The following NR2E3 variants were observed in gnomAD, a reference collection of about 807,000 sequenced individuals.
NR2E3 encodes the protein photoreceptor-specific nuclear receptor.
Under a neutral mutation model 37.6 loss-of-function variants are expected in NR2E3, and 38 were observed. The observed-to-expected ratio is 1.01, with a 90% confidence interval of 0.78 to 1.33. NR2E3 has a LOEUF of 1.33. Among genes scored for constraint, NR2E3 ranks in the 40% most tolerant of loss-of-function variants. The pLI, the probability that NR2E3 is intolerant of heterozygous loss-of-function variation, is 0.00. For synonymous variants in NR2E3, 235 were observed against 225.1 expected (o/e 1.04, Z -0.39); for missense variants, 562 against 558.7 (o/e 1.01, Z -0.06).
chr15:71,811,957 G>A lies in NR2E3; in HGVS notation c.352G>A (p.Val118Met), dbSNP rs776270511. 1.5e-5 allele frequency: 24 copies of A among 1,550,188 alleles called. No homozygotes were observed. The highest frequency in any genetic ancestry group is 1.9e-5 in the Non-Finnish European group (22 of 1,146,888). Reference sequence around the variant, plus strand: ...CCTGACCCTTCCTGCCTCCCCAGCCGTGCAGAACGAGCGCCAGCCGCGAAG... The same window carrying A: ...CCTGACCCTTCCTGCCTCCCCAGCCATGCAGAACGAGCGCCAGCCGCGAAG... ...CLQAGMNQDA[V>M]QNERQPRSTA... is the part of the protein sequence containing the mutation. The change falls in exon 4 of 8, where the codon GTG becomes ATG. Residue 118 changes from valine to methionine, a missense_variant and splice_region_variant. Val to Met is a conservative substitution (Grantham distance 21, BLOSUM62 1). Coordinates refer to ENST00000617575, the MANE Select transcript of NR2E3 (RefSeq NM_014249.4). This position sits in a 1 kb window ranked among gnomAD's most constrained non-coding sequence, Gnocchi z 5.6.
At position 71,812,084 on chromosome 15, in the gene NR2E3, C is replaced by G. The variant is rs1369112349; in HGVS notation, c.479C>G (p.Pro160Arg). Residue 160 changes from proline to arginine, a missense_variant, in exon 4 of 8, where the codon CCC becomes CGC. Transcript: ENST00000617575. ...CCGGCAGGGCGCAGCCCACGGGGCC[C>G]CACACCCATGTCTGCAGCCAGAGCC... ...PAPAGRSPRG[P>R]TPMSAARALG... 15 of 1,554,030 alleles carry G rather than the reference C, an allele frequency of 9.7e-6. No homozygotes were observed. Among genetic ancestry groups the G allele is most frequent in the Non-Finnish European group, 1.2e-5 (14 of 1,149,152 alleles).
In NR2E3 at chr15:71,813,931, G is replaced by T; in HGVS notation, c.995-81G>T. 6.4e-7 allele frequency: 1 copy of T among 1,551,982 alleles called. No individual in the cohort carries two copies. Among genetic ancestry groups the T allele is most frequent in the South Asian group, 1.2e-5 (1 of 84,302 alleles). On this transcript the variant is annotated intron_variant, in intron 6 of 7. Coordinates refer to ENST00000617575, the MANE Select transcript of NR2E3 (RefSeq NM_014249.4). This position sits in a 1 kb window ranked among gnomAD's most constrained non-coding sequence, Gnocchi z 4.7. ...GGCCCCAGGTCCATGTCTGCAGCCA[G>T]AACCCTGGGCCACCACTTCATGGCC... is the stretch of plus-strand genomic sequence containing the variant.
Position 71,813,384 on chromosome 15 carries a change from C to T in NR2E3, c.748-5C>T, listed in dbSNP as rs1176243978. 1.2e-6 allele frequency: 2 copies of T among 1,610,474 alleles called. No homozygotes were observed. On this transcript the variant is annotated splice_region_variant and splice_polypyrimidine_tract_variant and intron_variant, in intron 5 of 7. Transcript: ENST00000617575. This position sits in a 1 kb window ranked among gnomAD's most constrained non-coding sequence, Gnocchi z 4.7. ...GCCATAACAGGCACCCCTGTCTGAGCACAGGTGATCCTGCTGGAAGAGGCG... is the reference window on the plus strand; with the variant it reads ...GCCATAACAGGCACCCCTGTCTGAGTACAGGTGATCCTGCTGGAAGAGGCG...
intron 7 of NR2E3, among the ~76,000 whole-genome samples, chr15:71,815,755 CACGAAGTAATTCCT>C (rs1423633474): frequency 2.0e-5 from 3 of 152,158 alleles, no homozygotes; most frequent in African/African-American, 7.2e-5. Context: ...AGCGAAGTTC[CACGAAGTAATTCCT>C]ACCCTTAGCT....
chr15:71,815,158 A>G (rs1296941443), intron 7 of NR2E3, among the ~76,000 whole-genome samples: 3 of 152,258 alleles, frequency 2.0e-5, no homozygotes, highest in Non-Finnish European at 2.9e-5. Flanking sequence ...GCACAGGCAG[A>G]TGTCATGGAG....
rs935088545 is a variant in NR2E3, at chr15:71,815,722, CCT to C, written c.1100+1606_1100+1607del. Among the ~76,000 whole-genome samples, 25 of 152,270 alleles carry C rather than the reference CCT, an allele frequency of 1.6e-4. 1 individual carries two copies. Among genetic ancestry groups the C allele is most frequent in the Middle Eastern group, 3.4e-3 (1 of 294 alleles). ...GGAAGAAACACAATTACCATCGCCCCCTGATATGCACACAGACACCAAAGCGA... is the reference window on the plus strand; with the variant it reads ...GGAAGAAACACAATTACCATCGCCCCGATATGCACACAGACACCAAAGCGA... On this transcript the variant is annotated intron_variant, in intron 7 of 7. Coordinates refer to ENST00000617575, the MANE Select transcript of NR2E3 (RefSeq NM_014249.4).
At chr15:71,816,539 C>T (rs189739539) in intron 7 of NR2E3, among the ~76,000 whole-genome samples, 195 of 152,220 alleles carry the variant, frequency 1.3e-3, no homozygotes, top group African/African-American at 4.5e-3. Context: ...GGATTACAGG[C>T]GTGAGCCACC....
chr15:71,815,801 CTCTTT>C (rs375001475), intron 7 of NR2E3, among the ~76,000 whole-genome samples: 209 of 152,316 alleles, frequency 1.4e-3, no homozygotes, highest in African/African-American at 4.4e-3. Context: ...CCTGATGTTT[CTCTTT>C]TCTTTTTTTG....
chr15:71,813,611 A>G lies in NR2E3; in HGVS notation c.970A>G (p.Lys324Glu), dbSNP rs997546344. 2 of 1,613,776 alleles carry G rather than the reference A, an allele frequency of 1.2e-6. No homozygotes were observed. Among genetic ancestry groups the G allele is most frequent in the Non-Finnish European group, 1.7e-6 (2 of 1,179,878 alleles). The change falls in exon 6 of 8, where the codon AAG (lysine) becomes GAG (glutamate). Residue 324 changes from lysine (K) to glutamate (E), a missense_variant. Transcript: ENST00000617575. The surrounding 1 kb of genome is among the most constrained non-coding windows in gnomAD (Gnocchi z 4.7). The stretch of plus-strand genomic sequence containing the variant: ...GGACCCCACGGAGTTTGCCTGCATG[A>G]AGGCCTTGGTCCTCTTCAAGCCAGG... The part of the protein sequence containing the change: ...AVDPTEFACM[K>E]ALVLFKPETR...
In NR2E3 at chr15:71,817,724, C is replaced by CA. The variant is rs1249980692; in HGVS notation, c.*42dup. 1 of 1,552,742 alleles carries CA rather than the reference C, an allele frequency of 6.4e-7. No homozygotes were observed. The highest frequency in any genetic ancestry group is 1.4e-5 in the African/African-American group (1 of 73,832). On this transcript the variant is annotated 3_prime_UTR_variant, in exon 8 of 8. Transcript: ENST00000617575. ...AAATGTTTCCAAGCACTCTGGAAAA[C>CA]AATCTACTGAAACGAAACATTTGCC...
intron 7 of NR2E3, chr15:71,814,531 GAT>G (rs1567161169): frequency 1.0e-6 from 1 of 995,136 alleles, no homozygotes; most frequent in Non-Finnish European, 1.2e-6. Context: ...GGGCAAGCAT[GAT>G]ATGTTGTTAG....
Position 71,811,663 on chromosome 15 carries a change from G to A in NR2E3, c.245+54G>A. The A allele has an allele frequency of 6.3e-7, 1 of 1,581,386 alleles. No homozygotes were observed. Among genetic ancestry groups the A allele is most frequent in the African/African-American group, 1.3e-5 (1 of 74,372 alleles). On this transcript the variant is annotated intron_variant, in intron 2 of 7. Coordinates refer to ENST00000617575, the MANE Select transcript of NR2E3 (RefSeq NM_014249.4). This position sits in a 1 kb window ranked among gnomAD's most constrained non-coding sequence, Gnocchi z 5.6. ...TGCCCCTGAGGGGTTCTGGAGGGGT[G>A]AGGGGGTGCTCAGGGGAAGAGGGGC...
intron 7 of NR2E3, 104 bp from the exon 8 acceptor site, chr15:71,817,448 T>C (rs1284452857): frequency 7.0e-7 from 1 of 1,430,332 alleles, no homozygotes; most frequent in Non-Finnish European, 9.4e-7. Context: ...GGGGACCTCA[T>C]CTCTCCTCTC....
In NR2E3 at chr15:71,811,037, G is replaced by A. The variant is rs1343227345; in HGVS notation, c.118+176G>A. Among the ~76,000 whole-genome samples the A allele has an allele frequency of 3.3e-5, 5 of 152,194 alleles. No individual in the cohort carries two copies. The highest frequency in any genetic ancestry group is 5.9e-5 in the Non-Finnish European group (4 of 68,034). On this transcript the variant is annotated intron_variant, in intron 1 of 7. Transcript: ENST00000617575. The surrounding 1 kb of genome is among the most constrained non-coding windows in gnomAD (Gnocchi z 5.6). ...CAGAATCCTAGAAACACGGTGGGGCGGGGATGGGGGTTGGGGGCGGGCAGG... is the reference window on the plus strand; with the variant it reads ...CAGAATCCTAGAAACACGGTGGGGCAGGGATGGGGGTTGGGGGCGGGCAGG...
At chr15:71,810,932 G>A in intron 1 of NR2E3, 71 bp downstream of exon 1, 1 of 1,439,416 alleles carries the variant, frequency 6.9e-7, no homozygotes, top group Admixed American at 2.6e-5. Context: ...GAGGTTCGCA[G>A]GGACCATGGA....
At chr15:71,815,417 G>A (rs987208357) in intron 7 of NR2E3, among the ~76,000 whole-genome samples, 1 of 152,228 alleles carries the variant, frequency 6.6e-6, no homozygotes, top group Non-Finnish European at 1.5e-5. Flanking sequence ...AGCATAGGGA[G>A]AACGCTGCTA....
intron 7 of NR2E3, among the ~76,000 whole-genome samples, chr15:71,816,472 G>A (rs2054227188): frequency 6.6e-6 from 1 of 152,046 alleles, no homozygotes; most frequent in South Asian, 2.1e-4. Context: ...GCATTAGCCA[G>A]GATGGTCTCG....
At chr15:71,816,013 C>T (rs999355070) in intron 7 of NR2E3, among the ~76,000 whole-genome samples, 2 of 152,164 alleles carry the variant, frequency 1.3e-5, no homozygotes, top group Admixed American at 1.3e-4. Context: ...TCACTTGGCA[C>T]TAGCAAGAGA....
At position 71,813,576 on chromosome 15, in the gene NR2E3, C is replaced by A; in HGVS notation, c.935C>A (p.Ala312Glu). The change falls in exon 6 of 8, where the codon GCA (alanine) becomes GAA (glutamate). Residue 312 changes from alanine (A) to glutamate (E), a missense_variant. Transcript: ENST00000617575. This position sits in a 1 kb window ranked among gnomAD's most constrained non-coding sequence, Gnocchi z 4.7. ...VLQETISRFR[A>E]LAVDPTEFAC... Reference sequence around the variant, plus strand: ...CAGGAAACTATCTCTCGGTTCCGGGCATTGGCGGTGGACCCCACGGAGTTT... The same window carrying A: ...CAGGAAACTATCTCTCGGTTCCGGGAATTGGCGGTGGACCCCACGGAGTTT... 3.1e-6 allele frequency: 5 copies of A among 1,614,000 alleles called. No homozygotes were observed. The highest frequency in any genetic ancestry group is 4.2e-6 in the Non-Finnish European group (5 of 1,179,874).
Sources: allele counts gnomAD v4.1 joint callset (sites outside exome capture counted in the v4.1 genomes callset), GRCh38; gene constraint gnomAD v4.1.1; non-coding constraint Gnocchi (gnomAD v3.1); transcripts MANE v1.5; gene names NCBI Gene and HGNC (gene_info 2026-07-23, HGNC 2026-07-21).